The following ARK2C variants were observed in gnomAD, a reference collection of about 807,000 sequenced individuals.
The protein encoded by ARK2C is E3 ubiquitin-protein ligase ARK2C.
the ARK2C span, among the ~76,000 whole-genome samples, chr18:46,407,235 G>A: frequency 3.3e-5 from 5 of 152,174 alleles, no homozygotes; most frequent in African/African-American, 1.2e-4. Flanking sequence ...ACCCCACAGA[G>A]TGGGAGACCA....
At chr18:46,446,508 T>C in the ARK2C span, among the ~76,000 whole-genome samples, 1 of 151,704 alleles carries the variant, frequency 6.6e-6, no homozygotes, top group African/African-American at 2.4e-5. Flanking sequence ...CCATCTCTAC[T>C]AAAACTACAA....
At chr18:46,374,735 C>T in the ARK2C span, among the ~76,000 whole-genome samples, 3 of 152,148 alleles carry the variant, frequency 2.0e-5, no homozygotes, top group East Asian at 3.8e-4. Context: ...CTAGTAAATA[C>T]AGCACACAAA....
the ARK2C span, chr18:46,461,184 C>G: frequency 3.9e-5 from 6 of 152,260 alleles, no homozygotes; most frequent in Admixed American, 1.3e-4. Flanking sequence ...GACAGACGTC[C>G]CAATGACCTT....
the ARK2C span, among the ~76,000 whole-genome samples, chr18:46,380,286 G>A: frequency 1.4e-4 from 21 of 152,340 alleles, no homozygotes; most frequent in East Asian, 9.6e-4. Flanking sequence ...CTGGAAGGGC[G>A]TCTTGGAAGA....
At chr18:46,366,062 G>A in the ARK2C span, among the ~76,000 whole-genome samples, 1 of 152,038 alleles carries the variant, frequency 6.6e-6, no homozygotes, top group South Asian at 2.1e-4. Flanking sequence ...GGAGGCCAAG[G>A]AGGGCGGATC....
chr18:46,388,002 C>T, the ARK2C span, among the ~76,000 whole-genome samples: 1 of 152,342 alleles, frequency 6.6e-6, no homozygotes, highest in East Asian at 1.9e-4. Flanking sequence ...TTCCAAGATT[C>T]AAGCTGGCAC....
the ARK2C span, among the ~76,000 whole-genome samples, chr18:46,361,248 C>T: frequency 6.6e-6 from 1 of 152,174 alleles, no homozygotes; most frequent in Non-Finnish European, 1.5e-5. Flanking sequence ...AAACAAAAGA[C>T]AAAGATGAAC....
At chr18:46,370,934 G>T in the ARK2C span, among the ~76,000 whole-genome samples, 2 of 152,142 alleles carry the variant, frequency 1.3e-5, no homozygotes, top group Non-Finnish European at 2.9e-5. Flanking sequence ...AGGTGTATTA[G>T]TCTGTTCTCA....
the ARK2C span, among the ~76,000 whole-genome samples, chr18:46,453,878 G>A: frequency 1.2e-4 from 18 of 151,754 alleles, no homozygotes; most frequent in East Asian, 1.9e-3. Context: ...TCTGGGAGGC[G>A]GTGGCAGGAG....
chr18:46,394,851 G>A, the ARK2C span, among the ~76,000 whole-genome samples: 3 of 152,188 alleles, frequency 2.0e-5, no homozygotes, highest in Non-Finnish European at 2.9e-5. Context: ...TTTATTACAG[G>A]CTAGTTCTTT....
At chr18:46,374,774 G>C in the ARK2C span, among the ~76,000 whole-genome samples, 1 of 152,130 alleles carries the variant, frequency 6.6e-6, no homozygotes, top group East Asian at 1.9e-4. Context: ...GAACTGGGGG[G>C]GCTAGAGACC....
chr18:46,422,720 G>C, the ARK2C span, among the ~76,000 whole-genome samples: 10 of 152,180 alleles, frequency 6.6e-5, no homozygotes, highest in Non-Finnish European at 1.2e-4. Flanking sequence ...ATCATCTCCT[G>C]GTGGGCCAAA....
the ARK2C span, among the ~76,000 whole-genome samples, chr18:46,363,940 C>CTTTTT: frequency 7.1e-6 from 1 of 140,406 alleles, no homozygotes; most frequent in Non-Finnish European, 1.5e-5. Context: ...TTTCTTTTTT[C>CTTTTT]TTTTCTTTTT....
chr18:46,360,478 C>A, the ARK2C span, among the ~76,000 whole-genome samples: 67 of 152,352 alleles, frequency 4.4e-4, no homozygotes, highest in Admixed American at 9.8e-4. Context: ...ATTCCAAACA[C>A]CTCATTTACA....
chr18:46,364,305 C>T, the ARK2C span, among the ~76,000 whole-genome samples: 39 of 152,126 alleles, frequency 2.6e-4, 1 homozygote, highest in East Asian at 7.3e-3. Flanking sequence ...CTCCCCACCT[C>T]CACCTATGCA....
At chr18:46,415,796 C>T in the ARK2C span, among the ~76,000 whole-genome samples, 71 of 152,192 alleles carry the variant, frequency 4.7e-4, no homozygotes, top group African/African-American at 1.6e-3. Flanking sequence ...GGTTGTAGGG[C>T]TGAATTTGGG....
the ARK2C span, chr18:46,460,441 T>C: frequency 6.6e-6 from 1 of 152,496 alleles, no homozygotes; most frequent in Non-Finnish European, 1.5e-5. Context: ...TGAGTTTAAA[T>C]GCCTTATATT....
chr18:46,456,329 A>G, the ARK2C span, among the ~76,000 whole-genome samples: 1 of 152,148 alleles, frequency 6.6e-6, no homozygotes, highest in Admixed American at 6.5e-5. Context: ...AATGCGTCTA[A>G]GACAAAGTTG....
the ARK2C span, among the ~76,000 whole-genome samples, chr18:46,428,181 C>A: frequency 6.6e-6 from 1 of 152,106 alleles, no homozygotes; most frequent in African/African-American, 2.4e-5. Flanking sequence ...GAGGCCGAGG[C>A]TGGCGGACCA....
Sources: gnomAD v4.1 joint callset for allele counts (sites outside exome capture counted in the v4.1 genomes callset) on GRCh38, gnomAD v4.1.1 for gene constraint, MANE v1.5 for transcripts, NCBI Gene and HGNC (gene_info 2026-07-23, HGNC 2026-07-21) for gene names.